The following GPC5 variants were observed in gnomAD, a reference collection of about 807,000 sequenced individuals.
GPC5 encodes the protein glypican 5.
In GPC5, 47 loss-of-function variants were observed where a neutral mutation model predicts 53.9. The ratio of observed to expected loss-of-function variants is 0.87; its 90% CI spans 0.69 to 1.11. The LOEUF is 1.11. GPC5 is among the 50% of genes most tolerant of loss of function. GPC5 has a pLI of 0.00. For synonymous variants in GPC5, 286 were observed against 263.3 expected, an observed-to-expected ratio of 1.09 and a Z score of -0.84; for missense variants, 748 against 713.1, an observed-to-expected ratio of 1.05 and a Z score of -0.56.
chr13:92,116,822 G>T (rs2041605379), intron 6 of GPC5, among the ~76,000 whole-genome samples: 2 of 152,104 alleles, frequency 1.3e-5, no homozygotes, highest in African/African-American at 4.8e-5. Context: ...CATCTTTGTT[G>T]TGTGCTTATC....
At chr13:92,752,164 G>A (rs1431969495) in intron 7 of GPC5, among the ~76,000 whole-genome samples, 1 of 151,932 alleles carries the variant, frequency 6.6e-6, no homozygotes, top group Non-Finnish European at 1.5e-5. Flanking sequence ...GTCCGTGTGT[G>A]TGTTAGCATT....
At chr13:91,515,765 G>A (rs1885463960) in intron 2 of GPC5, among the ~76,000 whole-genome samples, 1 of 63,024 alleles carries the variant, frequency 1.6e-5, no homozygotes, top group Non-Finnish European at 4.6e-5. Flanking sequence ...CTTTTAAACA[G>A]CACTGACCAT....
intron 6 of GPC5, among the ~76,000 whole-genome samples, chr13:92,071,030 G>A (rs2041206995): frequency 6.6e-6 from 1 of 152,148 alleles, no homozygotes; most frequent in Non-Finnish European, 1.5e-5. Flanking sequence ...GAGGTCAGGA[G>A]ATCAAGACCA....
At chr13:91,893,803 A>G (rs1468582290) in intron 5 of GPC5, among the ~76,000 whole-genome samples, 1 of 152,020 alleles carries the variant, frequency 6.6e-6, no homozygotes, top group Non-Finnish European at 1.5e-5. Context: ...TTAGGGTTAT[A>G]TATTCCATTG....
At chr13:92,805,333 G>C (rs1306521697) in intron 7 of GPC5, among the ~76,000 whole-genome samples, 1 of 152,068 alleles carries the variant, frequency 6.6e-6, no homozygotes, top group Non-Finnish European at 1.5e-5. Flanking sequence ...CTGCAGAATG[G>C]ATATTGCATT....
At chr13:92,792,852 G>T (rs1475178386) in intron 7 of GPC5, among the ~76,000 whole-genome samples, 1 of 152,170 alleles carries the variant, frequency 6.6e-6, no homozygotes, top group Non-Finnish European at 1.5e-5. Context: ...AAAGATATAT[G>T]CAACCAATAC....
At chr13:92,458,574 AG>A (rs1369029441) in intron 7 of GPC5, among the ~76,000 whole-genome samples, 44 of 152,030 alleles carry the variant, frequency 2.9e-4, no homozygotes, top group Non-Finnish European at 5.1e-4. Flanking sequence ...CTGGGATTTC[AG>A]GCGTGAGCTA....
chr13:92,189,353 G>A (rs1179149605), intron 7 of GPC5, among the ~76,000 whole-genome samples: 1 of 152,092 alleles, frequency 6.6e-6, no homozygotes, highest in Non-Finnish European at 1.5e-5. Flanking sequence ...AGTCTCCCAA[G>A]TGGGGCAAGG....
rs986235969 is a variant in GPC5, at chr13:91,609,484, A to G, written c.326-83703A>G. 1.2e-4 allele frequency among the ~76,000 whole-genome samples: 19 copies of G among 152,300 alleles called. No homozygotes were observed. In the South Asian group the frequency reaches 3.7e-3, roughly 30 times the overall value. ...GAGGAGGACTCTAAACACGTCACCA[A>G]TTTCTGTTAAGGTTCCTTAATCTGC... On this transcript the variant is annotated intron_variant, in intron 2 of 7. Coordinates refer to ENST00000377067, the MANE Select transcript of GPC5 (RefSeq NM_004466.6).
chr13:92,122,705 T>G (rs1384194103), intron 6 of GPC5, among the ~76,000 whole-genome samples: 1 of 150,928 alleles, frequency 6.6e-6, no homozygotes, highest in Admixed American at 6.6e-5. Context: ...CCTTTAATGT[T>G]AGTGGCAGAC....
intron 7 of GPC5, among the ~76,000 whole-genome samples, chr13:92,438,072 T>C (rs184504996): frequency 1.1e-3 from 164 of 152,020 alleles, no homozygotes; most frequent in Non-Finnish European, 1.8e-3. Flanking sequence ...CCCTCCAGGA[T>C]TGGAGATTAT....
In GPC5 at chr13:92,406,595, C is replaced by G. The variant is rs148880065; in HGVS notation, c.1561+261606C>G. ...AGGATAGGTCGGTTGGATGGGAAAT[C>G]TAACACATAGAGGCCCCCTCACAGC... On this transcript the variant is annotated intron_variant, in intron 7 of 7. Coordinates refer to ENST00000377067, the MANE Select transcript of GPC5 (RefSeq NM_004466.6). Among the ~76,000 whole-genome samples, 29 of 152,184 alleles carry G rather than the reference C, an allele frequency of 1.9e-4. No homozygotes were observed. In the East Asian group the frequency reaches 5.4e-3, roughly 28 times the overall value.
At chr13:91,526,871 G>C (rs921860864) in intron 2 of GPC5, among the ~76,000 whole-genome samples, 18 of 152,160 alleles carry the variant, frequency 1.2e-4, no homozygotes, top group Non-Finnish European at 2.4e-4. Flanking sequence ...GAGAGAGAGA[G>C]CACAGGGGAA....
intron 3 of GPC5, among the ~76,000 whole-genome samples, chr13:91,701,333 C>T (rs1211540270): frequency 6.6e-6 from 1 of 152,068 alleles, no homozygotes; most frequent in East Asian, 1.9e-4. Flanking sequence ...AAACTTCTTA[C>T]TTTTTGACAA....
In GPC5 at chr13:92,035,276, G is replaced by A. The variant is rs565019789; in HGVS notation, c.1402-109554G>A. The stretch of plus-strand genomic sequence containing the variant: ...ACTGGAACCTGTTCCAAGATGACAC[G>A]GGGCACGGGACGTTCAGCTCTTCTC... On this transcript the variant is annotated intron_variant, in intron 6 of 7. Transcript: ENST00000377067. Among the ~76,000 whole-genome samples, 5 of 151,396 alleles carry A rather than the reference G, an allele frequency of 3.3e-5. No individual in the cohort carries two copies. In the South Asian group the frequency reaches 8.4e-4, roughly 25 times the overall value.
chr13:91,972,716 T>C (rs1488478651), intron 6 of GPC5, among the ~76,000 whole-genome samples: 2 of 152,162 alleles, frequency 1.3e-5, no homozygotes, highest in Non-Finnish European at 2.9e-5. Flanking sequence ...TATTTCTCCT[T>C]CACTTGTTAA....
intron 7 of GPC5, among the ~76,000 whole-genome samples, chr13:92,617,031 A>T (rs1371231738): frequency 6.6e-6 from 1 of 152,208 alleles, no homozygotes; most frequent in African/African-American, 2.4e-5. Flanking sequence ...ATGTTGTGGG[A>T]TATTTAAATA....
At chr13:92,777,049 A>AAAT (rs1566413748) in intron 7 of GPC5, among the ~76,000 whole-genome samples, 1 of 140,534 alleles carries the variant, frequency 7.1e-6, no homozygotes, top group African/African-American at 2.6e-5. Context: ...AAAAAAAAAA[A>AAAT]GGCTGGGTGT....
At chr13:91,757,227 G>A (rs1157313542) in intron 5 of GPC5, among the ~76,000 whole-genome samples, 1 of 152,088 alleles carries the variant, frequency 6.6e-6, no homozygotes, top group Non-Finnish European at 1.5e-5. Flanking sequence ...GTAGGATAAT[G>A]AGGTTTTGTG....
Sources: allele counts gnomAD v4.1 joint callset (sites outside exome capture counted in the v4.1 genomes callset), GRCh38; gene constraint gnomAD v4.1.1; transcripts MANE v1.5; gene names NCBI Gene and HGNC (gene_info 2026-07-23, HGNC 2026-07-21).